The following OBP2B variants were observed in gnomAD, a reference collection of about 807,000 sequenced individuals.
OBP2B encodes the protein odorant-binding protein 2b.
In OBP2B, 10 loss-of-function variants were observed where a neutral mutation model predicts 21.7. The observed-to-expected ratio is 0.46, with a 90% CI of 0.28 to 0.78. The LOEUF is 0.78. OBP2B is among the 30% of genes least tolerant of loss of function. OBP2B has a pLI of 0.11. For synonymous variants in OBP2B, 73 were observed against 91.5 expected (o/e 0.80, Z 1.16); for missense variants, 153 against 217.7 (o/e 0.70, Z 1.87).
At chr9:133,218,251 C>A in the OBP2B span, among the ~76,000 whole-genome samples, 1 of 152,184 alleles carries the variant, frequency 6.6e-6, no homozygotes, top group African/African-American at 2.4e-5. Flanking sequence ...CGGGAACACA[C>A]AGCAGAGCAG....
At chr9:133,217,537 C>T in the OBP2B span, among the ~76,000 whole-genome samples, 9 of 152,222 alleles carry the variant, frequency 5.9e-5, no homozygotes, top group Non-Finnish European at 8.8e-5. Context: ...AAGTCGGGGA[C>T]GTCTGGCGGC....
chr9:133,218,725 A>G, the OBP2B span, among the ~76,000 whole-genome samples: 12 of 152,194 alleles, frequency 7.9e-5, 1 homozygote, highest in Middle Eastern at 3.2e-3. Context: ...TCAATCCACC[A>G]CAGAGAGAGG....
At chr9:133,213,950 T>A (rs782023394), upstream of OBP2B, among the ~76,000 whole-genome samples, 1 of 152,146 alleles carries the variant, frequency 6.6e-6, no homozygotes, top group African/African-American at 2.4e-5. Flanking sequence ...CAGAACAATA[T>A]ACCTCATGAA....
Position 133,208,128 on chromosome 9 carries a change from C to T in OBP2B, c.277+5G>A. On this transcript the variant is annotated splice_donor_5th_base_variant and intron_variant, in intron 3 of 6. Transcript: ENST00000372034. ...GGTGGGGGTGGGAGTGGGGGAGGGG[C>T]TCACAGGCGCTGTATTTGCCAGGCT... is the stretch of plus-strand genomic sequence containing the variant. The T allele has an allele frequency of 6.2e-7, 1 of 1,609,086 alleles. No individual in the cohort carries two copies. The highest frequency in any genetic ancestry group is 8.5e-7 in the Non-Finnish European group (1 of 1,178,868).
In OBP2B at chr9:133,206,465, C is replaced by T. The variant is rs782140821; in HGVS notation, c.389-49G>A. 1.0e-5 allele frequency: 16 copies of T among 1,607,618 alleles called. No individual in the cohort carries two copies. The East Asian group carries it at 2.7e-4, about 27-fold the overall frequency. ...GCCGACGTGGGGACAGCGGCACGGC[C>T]CTGCAGGGAGCAGATGCCGAAAGGA... On this transcript the variant is annotated intron_variant, in intron 4 of 6. Coordinates refer to ENST00000372034, the MANE Select transcript of OBP2B (RefSeq NM_014581.4).
the OBP2B span, among the ~76,000 whole-genome samples, chr9:133,215,656 T>A: frequency 1.3e-5 from 2 of 152,114 alleles, no homozygotes; most frequent in African/African-American, 4.8e-5. Context: ...GTAGCTGGGA[T>A]TACAGATGCA....
At position 133,206,326 on chromosome 9, in the gene OBP2B, G is replaced by C. The variant is rs782697937; in HGVS notation, c.479C>G (p.Pro160Arg). ...KGLSEEDIFT[P>R]LQTGSCVPEH ...ACAGCCATCCTCACCCGTCTGCAGG[G>C]GCGTGAAAATGTCCTCCTCCGAGAG... The change falls in exon 5 of 7, where the codon CCC becomes CGC. Residue 160 changes from proline to arginine, a missense_variant. Around this residue, in one of 2 missense-constraint regions of OBP2B, gnomAD observed 151 missense variants for 186.3 expected, o/e 0.81. Transcript: ENST00000372034. 2 of 1,613,854 alleles carry C rather than the reference G, an allele frequency of 1.2e-6. No homozygotes were observed. Among genetic ancestry groups the C allele is most frequent in the Non-Finnish European group, 1.7e-6 (2 of 1,179,868 alleles).
At chr9:133,217,558 T>A in the OBP2B span, among the ~76,000 whole-genome samples, 5 of 152,236 alleles carry the variant, frequency 3.3e-5, no homozygotes, top group Admixed American at 3.3e-4. Flanking sequence ...ACACACCACA[T>A]TGAATTCAGG....
chr9:133,208,905 G>A (rs529686334), intron 1 of OBP2B, among the ~76,000 whole-genome samples: 4 of 152,126 alleles, frequency 2.6e-5, no homozygotes, highest in East Asian at 1.9e-4. Context: ...GGCTTCAGGC[G>A]TCAGTGCAGC....
the OBP2B span, among the ~76,000 whole-genome samples, chr9:133,222,206 A>T: frequency 6.6e-6 from 1 of 152,158 alleles, no homozygotes; most frequent in African/African-American, 2.4e-5. Flanking sequence ...GCACCAGGAG[A>T]CAGGAGATCG....
At chr9:133,220,848 G>T in the OBP2B span, among the ~76,000 whole-genome samples, 1 of 152,214 alleles carries the variant, frequency 6.6e-6, no homozygotes, top group African/African-American at 2.4e-5. Context: ...GAGCGAGGGA[G>T]GGAGAGAGAG....
chr9:133,212,774 T>C (rs1213470078), upstream of OBP2B, among the ~76,000 whole-genome samples: 2 of 151,866 alleles, frequency 1.3e-5, no homozygotes, highest in Non-Finnish European at 2.9e-5. Flanking sequence ...CTACCAAAAA[T>C]GCAAAAACTA....
chr9:133,219,006 G>C, the OBP2B span, among the ~76,000 whole-genome samples: 1 of 152,342 alleles, frequency 6.6e-6, no homozygotes, highest in South Asian at 2.1e-4. Flanking sequence ...CACAAACACA[G>C]GTGCAAGAAT....
the OBP2B span, among the ~76,000 whole-genome samples, chr9:133,219,557 C>T: frequency 1.3e-5 from 2 of 152,278 alleles, no homozygotes; most frequent in East Asian, 3.9e-4. Context: ...ATCAAAACTA[C>T]AGCGAAATAC....
At chr9:133,208,101 A>C in intron 3 of OBP2B, 32 bp downstream of exon 3, 1 of 894,376 alleles carries the variant, frequency 1.1e-6, no homozygotes, top group Non-Finnish European at 1.4e-6. Flanking sequence ...GCGGTGGGGG[A>C]GGGTGGGGGT....
chr9:133,218,641 G>A, the OBP2B span, among the ~76,000 whole-genome samples: 2 of 152,188 alleles, frequency 1.3e-5, no homozygotes, highest in Admixed American at 6.5e-5. Flanking sequence ...CACAGACAGC[G>A]CAGGCTGTGA....
upstream of OBP2B, among the ~76,000 whole-genome samples, chr9:133,212,657 G>A (rs529782614): frequency 1.3e-5 from 2 of 152,216 alleles, no homozygotes; most frequent in Admixed American, 6.5e-5. Flanking sequence ...TCAGCTGGGC[G>A]TGGTGGCTTG....
chr9:133,222,024 C>T, the OBP2B span, among the ~76,000 whole-genome samples: 3,219 of 152,276 alleles, frequency 0.021, 120 homozygotes, highest in African/African-American at 0.072. Context: ...TCTCAGACAT[C>T]TTACCCCGAG....
chr9:133,218,284 A>G, the OBP2B span, among the ~76,000 whole-genome samples: 1 of 152,220 alleles, frequency 6.6e-6, no homozygotes, highest in Non-Finnish European at 1.5e-5. Flanking sequence ...ATCCAGGGAG[A>G]CCGGCCACAC....
Sources: allele counts gnomAD v4.1 joint callset (sites outside exome capture counted in the v4.1 genomes callset), GRCh38; gene constraint gnomAD v4.1.1; regional missense constraint gnomAD v4.1.1; transcripts MANE v1.5; gene names NCBI Gene and HGNC (gene_info 2026-07-23, HGNC 2026-07-21).